MSTO1: variants seen among roughly 807,000 people sequenced by gnomAD.
MSTO1 encodes the protein misato mitochondrial distribution and morphology regulator 1.
Under a neutral mutation model 55.7 loss-of-function variants are expected in MSTO1, and 24 were observed. The ratio of observed to expected loss-of-function variants is 0.43; its 90% CI spans 0.31 to 0.61. The LOEUF (loss-of-function observed/expected upper bound fraction) is 0.61, where lower values mean the gene tolerates loss of function less well. Among genes scored for constraint, MSTO1 ranks in the 20% least tolerant of loss-of-function variants. The probability of loss-of-function intolerance (pLI) is 0.09; values close to 1 mark genes in which losing one functional copy is unlikely to be tolerated. For missense variants in MSTO1, 363 were observed against 625.7 expected (o/e 0.58, Z 4.48); for synonymous variants, 162 against 252.8 (o/e 0.64, Z 3.41).
At chr1:155,564,202 G>T in the MSTO1 span, among the ~76,000 whole-genome samples, 1 of 152,198 alleles carries the variant, frequency 6.6e-6, no homozygotes, top group African/African-American at 2.4e-5. Context: ...CTGTTCAAAA[G>T]CCCATGCAAG....
the MSTO1 span, chr1:155,590,811 CA>C: frequency 5.1e-5 from 82 of 1,606,972 alleles, 1 homozygote; most frequent in African/African-American, 2.5e-4. Flanking sequence ...CCTCAGCCAC[CA>C]GGGGGTTATA....
the MSTO1 span, among the ~76,000 whole-genome samples, chr1:155,586,106 TAC>T: frequency 6.6e-6 from 1 of 152,216 alleles, no homozygotes; most frequent in Non-Finnish European, 1.5e-5. Context: ...TTGTTTTTTT[TAC>T]AGTCTTTTTA....
chr1:155,614,896 A>G lies in MSTO1; in HGVS notation c.*623A>G, dbSNP rs934729022. On this transcript the variant is annotated 3_prime_UTR_variant, in exon 14 of 14. Coordinates refer to ENST00000245564, the MANE Select transcript of MSTO1 (RefSeq NM_018116.4). Reference sequence around the variant, plus strand: ...CTAAGAAAGGAGGAGGGCTGTATTCACTGATCCTTAGTAACATGTTAACAT... The same window carrying G: ...CTAAGAAAGGAGGAGGGCTGTATTCGCTGATCCTTAGTAACATGTTAACAT... 7 of 1,466,570 alleles carry G rather than the reference A, an allele frequency of 4.8e-6. No individual in the cohort carries two copies. Among genetic ancestry groups the G allele is most frequent in the African/African-American group, 4.2e-5 (3 of 71,518 alleles). 90.8% of individuals were successfully genotyped at this position (1,466,570 alleles called of 1,614,324 possible).
At position 155,612,313 on chromosome 1, in the gene MSTO1, T is replaced by C; in HGVS notation, c.810T>C (p.Arg270=). The C allele has an allele frequency of 1.3e-6, 2 of 1,577,826 alleles. No homozygotes were observed. Among genetic ancestry groups the C allele is most frequent in the South Asian group, 1.2e-5 (1 of 84,748 alleles). Residue 270 remains arginine, a synonymous_variant, in exon 8 of 14, where the codon CGT becomes CGC. Transcript: ENST00000245564. ...TWGLLPGPYH[R]GEAQRNIYRL... Reference sequence around the variant, plus strand: ...GCCTGCTACCTGGTCCCTACCATCGTGGGGTGAGTGGAACTTAGAGAAGTA... The same window carrying C: ...GCCTGCTACCTGGTCCCTACCATCGCGGGGTGAGTGGAACTTAGAGAAGTA...
the MSTO1 span, among the ~76,000 whole-genome samples, chr1:155,567,402 A>C: frequency 2.7e-5 from 4 of 148,836 alleles, no homozygotes; most frequent in Non-Finnish European, 4.4e-5. Flanking sequence ...AGCTCCGCCT[A>C]ACGGGTTCAC....
chr1:155,599,764 A>G, the MSTO1 span, among the ~76,000 whole-genome samples: 1 of 152,216 alleles, frequency 6.6e-6, no homozygotes, highest in Non-Finnish European at 1.5e-5. Context: ...GTCACAAGAC[A>G]ATAGTGGGGA....
Position 155,611,298 on chromosome 1 carries a change from G to C in MSTO1, c.366+7G>C. 6.2e-7 allele frequency: 1 copy of C among 1,613,618 alleles called. No individual in the cohort carries two copies. The highest frequency in any genetic ancestry group is 2.2e-5 in the East Asian group (1 of 44,844). On this transcript the variant is annotated splice_region_variant and intron_variant, in intron 4 of 13. Coordinates refer to ENST00000245564, the MANE Select transcript of MSTO1 (RefSeq NM_018116.4). ...AGACTTTCTGAGTGCAGAGGTGAGG[G>C]CCTCTGTCCTGAACTTTTTAACCCG...
upstream of MSTO1, chr1:155,610,113 T>C (rs914179740): frequency 5.3e-5 from 44 of 830,698 alleles, no homozygotes; most frequent in Non-Finnish European, 7.6e-5. Context: ...GCGCATCGTT[T>C]CTCCAATGGG....
At chr1:155,580,126 G>A in the MSTO1 span, among the ~76,000 whole-genome samples, 10 of 151,484 alleles carry the variant, frequency 6.6e-5, no homozygotes, top group Non-Finnish European at 1.3e-4. Flanking sequence ...GGGTATAGTG[G>A]CTCGCACATG....
chr1:155,610,207 G>A (rs750195767), upstream of MSTO1: 153 of 739,032 alleles, frequency 2.1e-4, no homozygotes, highest in Non-Finnish European at 3.0e-4. Flanking sequence ...GGAGCAGCGA[G>A]CGGCGCGGCT....
At chr1:155,579,786 C>T in the MSTO1 span, among the ~76,000 whole-genome samples, 8 of 152,052 alleles carry the variant, frequency 5.3e-5, no homozygotes, top group East Asian at 1.9e-4. Context: ...TAGACTAGGT[C>T]GACATAATCT....
the MSTO1 span, among the ~76,000 whole-genome samples, chr1:155,597,402 C>T: frequency 3.4e-5 from 5 of 147,702 alleles, no homozygotes; most frequent in African/African-American, 1.0e-4. Flanking sequence ...CCTGGGAGGC[C>T]GAGTTGCAGT....
At chr1:155,593,264 G>A in the MSTO1 span, among the ~76,000 whole-genome samples, 1 of 152,132 alleles carries the variant, frequency 6.6e-6, no homozygotes, top group Admixed American at 6.6e-5. Flanking sequence ...TGTCTTCAAT[G>A]GCAGATTCTT....
upstream of MSTO1, among the ~76,000 whole-genome samples, chr1:155,609,069 C>G (rs897174693): frequency 6.6e-6 from 1 of 151,294 alleles, no homozygotes; most frequent in Non-Finnish European, 1.5e-5. Context: ...TCAGTTGATC[C>G]TCCTGCCTCG....
In MSTO1 at chr1:155,612,554, C is replaced by G; in HGVS notation, c.950C>G (p.Pro317Arg). The G allele has an allele frequency of 6.2e-7, 1 of 1,612,018 alleles. No individual in the cohort carries two copies. Among genetic ancestry groups the G allele is most frequent in the South Asian group, 1.1e-5 (1 of 90,970 alleles). ...CGACCCGAGCCACCTGTCAGCTTCC[C>G]TTACCTGCATTATGATGTAAGTCTC... ...GLRPEPPVSFPYLHYDATLPF... is the reference protein window; with the variant it reads ...GLRPEPPVSFRYLHYDATLPF... The change falls in exon 9 of 14, where the codon CCT (proline) becomes CGT (arginine). Residue 317 changes from proline to arginine, a missense_variant. This residue lies in a region of MSTO1 where 231 missense variants were observed against 286.9 expected (regional missense o/e 0.81). Transcript: ENST00000245564.
At chr1:155,610,137 G>A (rs2148981359), upstream of MSTO1, 1 of 994,356 alleles carries the variant, frequency 1.0e-6, no homozygotes, top group Non-Finnish European at 1.5e-6. Flanking sequence ...GGATGTGTTT[G>A]CGGGCCAATA....
At chr1:155,582,433 T>C in the MSTO1 span, among the ~76,000 whole-genome samples, 2 of 152,132 alleles carry the variant, frequency 1.3e-5, no homozygotes, top group African/African-American at 4.8e-5. Context: ...ATTTGGCTTG[T>C]TGATAGGATT....
chr1:155,563,976 T>A, the MSTO1 span: 1 of 176,372 alleles, frequency 5.7e-6, no homozygotes, highest in Non-Finnish European at 1.2e-5. Context: ...TACTGAATAT[T>A]TGTTTCTCAA....
the MSTO1 span, among the ~76,000 whole-genome samples, chr1:155,599,525 A>C: frequency 1.3e-5 from 2 of 152,170 alleles, no homozygotes; most frequent in Non-Finnish European, 2.9e-5. Context: ...AAGGGATATT[A>C]CACTTTGCAT....
Sources: gnomAD v4.1 joint callset for allele counts (sites outside exome capture counted in the v4.1 genomes callset) on GRCh38, gnomAD v4.1.1 for gene constraint, gnomAD v4.1.1 regional missense constraint, MANE v1.5 for transcripts, NCBI Gene and HGNC (gene_info 2026-07-23, HGNC 2026-07-21) for gene names.